Variants in SPECC1 observed in about 807,000 individuals in gnomAD.
The protein encoded by SPECC1 is cytospin-B.
Under a neutral mutation model 104.1 loss-of-function variants are expected in SPECC1, and 62 were observed. The observed-to-expected ratio is 0.60, with a 90% confidence interval of 0.49 to 0.74. SPECC1 has a LOEUF of 0.74. SPECC1 is among the 30% of genes least tolerant of loss of function. The pLI, the probability that SPECC1 is intolerant of heterozygous loss-of-function variation, is 0.00. For missense variants in SPECC1, 1,306 were observed against 1,310.5 expected, an observed-to-expected ratio of 1.00 and a Z score of 0.05; for synonymous variants, 513 against 501.6, an observed-to-expected ratio of 1.02 and a Z score of -0.30.
intron 1 of SPECC1, among the ~76,000 whole-genome samples, chr17:20,044,688 A>G (rs1333861593): frequency 1.3e-5 from 2 of 152,202 alleles, no homozygotes; most frequent in Admixed American, 1.3e-4. Context: ...AAGGAGCTGT[A>G]TGTGGCATTT....
At chr17:20,194,502 A>ATTATTATTATTATTTTTTTTT in intron 3 of SPECC1, among the ~76,000 whole-genome samples, 1 of 86,566 alleles carries the variant, frequency 1.2e-5, no homozygotes, top group East Asian at 3.9e-4. Flanking sequence ...AAGAGAACGA[A>ATTATTATTATTATTTTTTTTT]TTTTTTTTTT....
intron 3 of SPECC1, among the ~76,000 whole-genome samples, chr17:20,117,633 T>A (rs2048823392): frequency 7.9e-6 from 1 of 127,332 alleles, no homozygotes. Flanking sequence ...CAAAAATAAA[T>A]AAATAAAAAT....
At chr17:20,045,370 A>G (rs575580503) in intron 1 of SPECC1, among the ~76,000 whole-genome samples, 299 of 152,330 alleles carry the variant, frequency 2.0e-3, no homozygotes, top group Non-Finnish European at 3.4e-3. Context: ...ATTATAAACA[A>G]TGCTGCAGTA....
intron 1 of SPECC1, among the ~76,000 whole-genome samples, chr17:20,075,140 C>T (rs564046618): frequency 2.6e-5 from 4 of 152,272 alleles, no homozygotes; most frequent in East Asian, 1.9e-4. Flanking sequence ...TGACCTTAGG[C>T]GATCCACCTG....
chr17:20,306,041 G>T lies in SPECC1; in HGVS notation c.3076G>T (p.Ala1026Ser), dbSNP rs967777390. The T allele has an allele frequency of 1.2e-6, 2 of 1,613,646 alleles. No homozygotes were observed. Among genetic ancestry groups the T allele is most frequent in the African/African-American group, 1.3e-5 (1 of 74,902 alleles). The part of the protein sequence containing the change: ...SQEKKRNLLL[A>S]FEAAESVGIK... Reference sequence around the variant, plus strand: ...AACTTAGAAGAGGAATCTCTTGTTGGCATTTGAAGCGGCTGAAAGTGTAGG... The same window carrying T: ...AACTTAGAAGAGGAATCTCTTGTTGTCATTTGAAGCGGCTGAAAGTGTAGG... Residue 1026 changes from alanine (A) to serine (S), a missense_variant, in exon 14 of 15, where the codon GCA (alanine) becomes TCA (serine). By Grantham distance (99) the Ala-to-Ser change is moderately conservative (BLOSUM62 1). Coordinates refer to ENST00000395527, the MANE Select transcript of SPECC1 (RefSeq NM_001243439.2).
At chr17:20,113,830 A>G (rs2048616755) in intron 3 of SPECC1, among the ~76,000 whole-genome samples, 2 of 152,252 alleles carry the variant, frequency 1.3e-5, no homozygotes, top group African/African-American at 2.4e-5. Flanking sequence ...TACAATCAGC[A>G]CAAGCATAGG....
At chr17:20,142,840 A>C (rs995408875) in intron 3 of SPECC1, among the ~76,000 whole-genome samples, 3 of 150,440 alleles carry the variant, frequency 2.0e-5, no homozygotes, top group African/African-American at 7.3e-5. Flanking sequence ...AAAAAAAAAA[A>C]CCAACAAAAA....
In SPECC1 at chr17:20,099,319, A is replaced by AATAC. The variant is rs200152549; in HGVS notation, c.147+2528_147+2531dup. ...ACATATAAACTTAGATTTTTAAATG[A>AATAC]ATACATACATTCCACAATAACAGAT... On this transcript the variant is annotated intron_variant, in intron 2 of 14. Transcript: ENST00000395527. Among the ~76,000 whole-genome samples, 919 of 152,104 alleles carry AATAC rather than the reference A, an allele frequency of 6.0e-3. 10 individuals are homozygous for AATAC. The highest frequency in any genetic ancestry group is 0.021 in the African/African-American group (863 of 41,474).
intron 12 of SPECC1, 42 bp downstream of exon 12, chr17:20,260,336 G>T (rs897998140): frequency 6.4e-7 from 1 of 1,565,398 alleles, no homozygotes; most frequent in Admixed American, 1.7e-5. Flanking sequence ...CCCCTGGGCA[G>T]TAGTAGTCCT....
chr17:20,117,637 T>C (rs145530295), intron 3 of SPECC1, among the ~76,000 whole-genome samples: 83 of 124,668 alleles, frequency 6.7e-4, no homozygotes, highest in African/African-American at 2.5e-3. Flanking sequence ...AATAAATAAA[T>C]AAAAATTAGC....
chr17:20,306,568 A>C (rs2041771875), intron 14 of SPECC1, among the ~76,000 whole-genome samples: 1 of 152,274 alleles, frequency 6.6e-6, no homozygotes, highest in South Asian at 2.1e-4. Flanking sequence ...TGATCTTCTT[A>C]GTGAAAGCAG....
chr17:20,239,455 A>C (rs2039093062), intron 7 of SPECC1: 1 of 219,878 alleles, frequency 4.5e-6, no homozygotes, highest in East Asian at 1.2e-4. Context: ...ATTTTATCAT[A>C]TCATAGGCAT....
chr17:20,313,396 CA>C (rs1247187610), intron 14 of SPECC1, among the ~76,000 whole-genome samples: 1 of 152,200 alleles, frequency 6.6e-6, no homozygotes, highest in Non-Finnish European at 1.5e-5. Context: ...CAGAAGGAAA[CA>C]ATACTGCACA....
intron 4 of SPECC1, among the ~76,000 whole-genome samples, chr17:20,218,390 C>T (rs2037644908): frequency 6.6e-6 from 1 of 152,092 alleles, no homozygotes; most frequent in African/African-American, 2.4e-5. Context: ...GGTCTGGCTC[C>T]AGAATATATG....
At chr17:20,195,870 A>T (rs924617140) in intron 3 of SPECC1, among the ~76,000 whole-genome samples, 2 of 152,252 alleles carry the variant, frequency 1.3e-5, no homozygotes, top group African/African-American at 2.4e-5. Flanking sequence ...TTTGTTAAAG[A>T]GCAGGTCATA....
chr17:20,091,586 G>C (rs1467391594), intron 1 of SPECC1, among the ~76,000 whole-genome samples: 2 of 152,198 alleles, frequency 1.3e-5, no homozygotes, highest in African/African-American at 4.8e-5. Context: ...ATTGGGCTTA[G>C]AACTACTACT....
intron 1 of SPECC1, among the ~76,000 whole-genome samples, chr17:20,093,721 T>C (rs572723155): frequency 2.0e-5 from 2 of 100,644 alleles, no homozygotes; most frequent in African/African-American, 7.8e-5. Context: ...TTTGTTTTTG[T>C]TTTTGTTTTT....
At chr17:20,292,426 G>A (rs1238851079) in intron 12 of SPECC1, among the ~76,000 whole-genome samples, 1 of 152,000 alleles carries the variant, frequency 6.6e-6, no homozygotes, top group African/African-American at 2.4e-5. Flanking sequence ...CACCTCCCAG[G>A]TTCAAGCAAT....
At chr17:20,153,043 C>T (rs1195176259) in intron 3 of SPECC1, among the ~76,000 whole-genome samples, 1 of 152,142 alleles carries the variant, frequency 6.6e-6, no homozygotes, top group Non-Finnish European at 1.5e-5. Flanking sequence ...TAATTACCTC[C>T]TAAAGGCCCT....
Sources: allele counts gnomAD v4.1 joint callset (sites outside exome capture counted in the v4.1 genomes callset), GRCh38; gene constraint gnomAD v4.1.1; transcripts MANE v1.5; gene names NCBI Gene and HGNC (gene_info 2026-07-23, HGNC 2026-07-21).